The following KALRN variants were observed in gnomAD, a reference collection of about 807,000 sequenced individuals.
KALRN encodes the protein kalirin RhoGEF kinase.
In KALRN, 70 loss-of-function variants were observed where a neutral mutation model predicts 353.7. That is an observed-to-expected ratio of 0.20 (90% CI 0.16 to 0.24). KALRN has a LOEUF of 0.24. Ranked by LOEUF, KALRN falls within the 10% of genes least tolerant of loss-of-function variation. The pLI is 1.00. For synonymous variants in KALRN, 1,391 were observed against 1,434.8 expected (o/e 0.97, Z 0.69); for missense variants, 2,791 against 3,756.7 (o/e 0.74, Z 6.72).
intron 6 of KALRN, among the ~76,000 whole-genome samples, chr3:124,319,579 T>A (rs1172108120): frequency 1.4e-5 from 2 of 147,932 alleles, no homozygotes; most frequent in Non-Finnish European, 3.0e-5. Flanking sequence ...ATATTATATA[T>A]AAATTATATA....
chr3:124,188,856 AC>A (rs1326275181), intron 1 of KALRN, among the ~76,000 whole-genome samples: 1 of 152,086 alleles, frequency 6.6e-6, no homozygotes, highest in African/African-American at 2.4e-5. Flanking sequence ...CGTACTTCTT[AC>A]CCCCAAGTCC....
chr3:124,488,600 G>A (rs745772488), intron 29 of KALRN: 46 of 319,864 alleles, frequency 1.4e-4, no homozygotes, highest in Non-Finnish European at 2.6e-4. Flanking sequence ...CACTGTTGAT[G>A]TGCTAGAGCT....
chr3:124,401,325 T>C (rs944717046), intron 13 of KALRN, among the ~76,000 whole-genome samples: 2 of 151,972 alleles, frequency 1.3e-5, no homozygotes, highest in Non-Finnish European at 2.9e-5. Flanking sequence ...GGCAACGTGG[T>C]GAAACTCCAT....
chr3:124,674,338 C>T (rs1273277914), intron 48 of KALRN, 26 bp from the exon 49 acceptor site: 3 of 1,596,250 alleles, frequency 1.9e-6, no homozygotes, highest in Non-Finnish European at 2.6e-6. Context: ...TGTGTTTGTG[C>T]CCCTCTCACC....
chr3:124,219,361 T>G (rs2077653642), intron 1 of KALRN, among the ~76,000 whole-genome samples: 1 of 152,194 alleles, frequency 6.6e-6, no homozygotes, highest in Non-Finnish European at 1.5e-5. Flanking sequence ...CTAAGGAAGC[T>G]GTCCAGCTCA....
At chr3:124,650,666 T>C (rs542224887) in intron 37 of KALRN, 142 bp from the exon 38 acceptor site, 12 of 759,514 alleles carry the variant, frequency 1.6e-5, no homozygotes, top group Non-Finnish European at 2.5e-5. Flanking sequence ...GTCTCTGGTC[T>C]GCTAGTGCTT....
intron 1 of KALRN, among the ~76,000 whole-genome samples, chr3:124,151,024 T>C (rs2068031950): frequency 6.6e-6 from 1 of 152,202 alleles, no homozygotes; most frequent in Non-Finnish European, 1.5e-5. Context: ...GATTAATCCA[T>C]GTTGTGTATA....
At chr3:124,317,771 T>G (rs2078956903) in intron 6 of KALRN, among the ~76,000 whole-genome samples, 1 of 132,584 alleles carries the variant, frequency 7.5e-6, no homozygotes, top group Non-Finnish European at 1.6e-5. Context: ...GGGGATAAAA[T>G]GCTGATAAAT....
chr3:124,705,638 T>C (rs1293976663), intron 57 of KALRN, among the ~76,000 whole-genome samples: 2 of 152,178 alleles, frequency 1.3e-5, no homozygotes, highest in Non-Finnish European at 2.9e-5. Context: ...CTGATGTCTG[T>C]GTTCAGCCTG....
intron 23 of KALRN, among the ~76,000 whole-genome samples, chr3:124,459,117 A>C (rs79325942): frequency 0.014 from 2,066 of 152,302 alleles, 45 homozygotes; most frequent in African/African-American, 0.046. Context: ...ATGCTTTAGG[A>C]GGCATTCCAG....
At chr3:124,664,371 G>GTGTGTGTGCGCGCGCGCGCA (rs780486751) in intron 45 of KALRN, among the ~76,000 whole-genome samples, 64 of 77,058 alleles carry the variant, frequency 8.3e-4, no homozygotes, top group East Asian at 2.2e-3. Context: ...GTGTGTGTGT[G>GTGTGTGTGCGCGCGCGCGCA]CGCGCGCGCG....
At chr3:124,695,912 T>C (rs112691214) in intron 53 of KALRN, among the ~76,000 whole-genome samples, 9 of 152,328 alleles carry the variant, frequency 5.9e-5, no homozygotes, top group African/African-American at 2.2e-4. Context: ...TTATCCCTCA[T>C]GTACAACAAA....
At chr3:124,617,878 A>G (rs1206716431) in intron 34 of KALRN, among the ~76,000 whole-genome samples, 1 of 152,176 alleles carries the variant, frequency 6.6e-6, no homozygotes, top group African/African-American at 2.4e-5. Context: ...ATAAAAAAGT[A>G]GGCTGACAAA....
intron 51 of KALRN, among the ~76,000 whole-genome samples, chr3:124,686,678 C>T (rs1433286256): frequency 6.6e-6 from 1 of 151,998 alleles, no homozygotes; most frequent in Non-Finnish European, 1.5e-5. Flanking sequence ...ATGGAAGGAC[C>T]TGCTAGGAAG....
chr3:124,328,516 G>A (rs1397943983), intron 7 of KALRN, among the ~76,000 whole-genome samples: 1 of 152,178 alleles, frequency 6.6e-6, no homozygotes, highest in Non-Finnish European at 1.5e-5. Context: ...TGCTCCCAGG[G>A]TCATTTGTAA....
At chr3:124,661,818 C>T in intron 44 of KALRN, 33 bp from the exon 45 acceptor site, 1 of 1,568,534 alleles carries the variant, frequency 6.4e-7, no homozygotes, top group South Asian at 1.1e-5. Context: ...AGTGCTGTTC[C>T]CCCTCCTGAG....
intron 1 of KALRN, among the ~76,000 whole-genome samples, chr3:124,166,544 A>G (rs1305825767): frequency 2.0e-5 from 3 of 152,182 alleles, no homozygotes; most frequent in Admixed American, 6.5e-5. Context: ...TAAGAAAATT[A>G]TATTATGTCT....
At chr3:124,673,960 A>G (rs369384662) in intron 48 of KALRN, among the ~76,000 whole-genome samples, 5 of 152,110 alleles carry the variant, frequency 3.3e-5, no homozygotes, top group East Asian at 1.9e-4. Context: ...TGTTCTTTCC[A>G]TTGAAGGATT....
Position 124,666,438 on chromosome 3 carries a change from C to G in KALRN, c.6346-11C>G, listed in dbSNP as rs1354512343. On this transcript the variant is annotated splice_polypyrimidine_tract_variant and intron_variant, in intron 45 of 59. Coordinates refer to ENST00000682506, the MANE Select transcript of KALRN (RefSeq NM_001388419.1). ...TTTCATTCACTTCACCCCAGCCCGT[C>G]TTTCCTTCAGGGCACTCTGACTGCT... 5 of 1,613,288 alleles carry G rather than the reference C, an allele frequency of 3.1e-6. No individual in the cohort carries two copies. The highest frequency in any genetic ancestry group is 2.2e-5 in the East Asian group (1 of 44,870).
Sources: gnomAD v4.1 joint callset for allele counts (sites outside exome capture counted in the v4.1 genomes callset) on GRCh38, gnomAD v4.1.1 for gene constraint, MANE v1.5 for transcripts, NCBI Gene and HGNC (gene_info 2026-07-23, HGNC 2026-07-21) for gene names.